The following COL12A1 variants were observed in gnomAD, a reference collection of about 807,000 sequenced individuals.
COL12A1 encodes collagen alpha-1(XII) chain.
In COL12A1, 114 loss-of-function variants were observed where a neutral mutation model predicts 349.7. That is an observed-to-expected ratio of 0.33 (90% confidence interval 0.28 to 0.38). The LOEUF (loss-of-function observed/expected upper bound fraction) is 0.38, where lower values mean the gene tolerates loss of function less well. COL12A1 is among the 10% of genes least tolerant of loss of function. The probability of loss-of-function intolerance (pLI) is 1.00; values close to 1 mark genes in which losing one functional copy is unlikely to be tolerated. For synonymous variants in COL12A1, 1,369 were observed against 1,329.0 expected, an observed-to-expected ratio of 1.03 and a Z score of -0.66; for missense variants, 3,284 against 3,756.9, an observed-to-expected ratio of 0.87 and a Z score of 3.29.
At chr6:75,134,078 G>A in intron 32 of COL12A1, 81 bp from the exon 33 acceptor site, 1 of 1,480,536 alleles carries the variant, frequency 6.8e-7, no homozygotes, top group Non-Finnish European at 9.2e-7. Flanking sequence ...ATATCTCCCA[G>A]GCACCCTAGA....
At chr6:75,124,487 TTA>T in intron 40 of COL12A1, 116 bp from the exon 41 acceptor site, 3 of 663,472 alleles carry the variant, frequency 4.5e-6, no homozygotes, top group Non-Finnish European at 7.4e-6. Context: ...CAAAATTGTA[TTA>T]TGTTTCCTTA....
intron 57 of COL12A1, 93 bp downstream of exon 57, chr6:75,101,906 T>G: frequency 1.4e-6 from 2 of 1,380,018 alleles, no homozygotes; most frequent in Non-Finnish European, 2.0e-6. Context: ...TCCAGGCTTC[T>G]GCTTTGCTAC....
chr6:75,137,399 A>G, intron 31 of COL12A1, 38 bp downstream of exon 31: 1 of 1,521,216 alleles, frequency 6.6e-7, no homozygotes, highest in Admixed American at 2.2e-5. Context: ...GAGAAATGGT[A>G]GAATTAATCC....
rs754091668 is a variant in COL12A1, at chr6:75,116,003, A to G, written c.7558+16T>C. 77 of 1,613,278 alleles carry G rather than the reference A, an allele frequency of 4.8e-5. No homozygotes were observed. In the Admixed American group the frequency reaches 1.3e-3, roughly 27 times the overall value. ...TAAATCTGGAAATTAATTTGCCCCA[A>G]AGTATAAATGCTTACCTGGTGAGGT... On this transcript the variant is annotated intron_variant, in intron 48 of 65. Transcript: ENST00000322507.
In COL12A1 at chr6:75,126,411, C is replaced by T; in HGVS notation, c.6400G>A (p.Val2134Met). The T allele has an allele frequency of 6.2e-7, 1 of 1,611,786 alleles. No homozygotes were observed. The highest frequency in any genetic ancestry group is 8.5e-7 in the Non-Finnish European group (1 of 1,178,208). The part of the protein sequence containing the change: ...ISDEWYTRFR[V>M]SWDPSPSPVL... ...GGAGAAGGTGAAGGATCCCAGGACA[C>T]CCTGAATCTTGTATACCATTCGTCA... Residue 2134 changes from valine to methionine, a missense_variant, in exon 39 of 66, where the codon GTG (valine) becomes ATG (methionine). Around this residue, in one of 2 missense-constraint regions of COL12A1, gnomAD observed 2,601 missense variants for 2,824.8 expected, o/e 0.92. Coordinates refer to ENST00000322507, the MANE Select transcript of COL12A1 (RefSeq NM_004370.6).
chr6:75,142,264 A>G, intron 26 of COL12A1, 103 bp from the exon 27 acceptor site: 1 of 1,371,656 alleles, frequency 7.3e-7, no homozygotes, highest in Non-Finnish European at 1.0e-6. Context: ...TAAAATTGTG[A>G]TCAGAAAAGA....
At chr6:75,189,952 T>G in intron 5 of COL12A1, 137 bp from the exon 6 acceptor site, 1 of 907,074 alleles carries the variant, frequency 1.1e-6, no homozygotes, top group Non-Finnish European at 1.6e-6. Flanking sequence ...TTCACCCACA[T>G]GCACAAAGAA....
At chr6:75,167,779 C>T (rs775388338) in intron 13 of COL12A1, among the ~76,000 whole-genome samples, 16 of 152,186 alleles carry the variant, frequency 1.1e-4, no homozygotes, top group Non-Finnish European at 1.8e-4. Context: ...TTTTAATCAA[C>T]TATTTTAACA....
chr6:75,150,738 A>G (rs1767437877), intron 21 of COL12A1, among the ~76,000 whole-genome samples: 1 of 152,128 alleles, frequency 6.6e-6, no homozygotes, highest in Non-Finnish European at 1.5e-5. Context: ...CCAGAAAAGA[A>G]AGCATCTCTC....
intron 50 of COL12A1, 25 bp from the exon 51 acceptor site, chr6:75,113,338 T>A: frequency 7.3e-7 from 1 of 1,365,430 alleles, no homozygotes; most frequent in Non-Finnish European, 1.0e-6. Flanking sequence ...AAAGTGTTAT[T>A]AAATCATATG....
chr6:75,107,344 C>G (rs1010378700), intron 52 of COL12A1, among the ~76,000 whole-genome samples: 5 of 152,076 alleles, frequency 3.3e-5, no homozygotes, highest in African/African-American at 1.2e-4. Flanking sequence ...GATCTTGGCT[C>G]ACTGCAACCT....
chr6:75,146,022 A>T (rs1767171779), intron 24 of COL12A1, 80 bp downstream of exon 24: 2 of 1,342,730 alleles, frequency 1.5e-6, no homozygotes, highest in Non-Finnish European at 9.9e-7. Context: ...ATGAGTTTGT[A>T]AGTAACTGCA....
At chr6:75,185,777 C>A (rs190745383) in intron 8 of COL12A1, among the ~76,000 whole-genome samples, 12 of 152,208 alleles carry the variant, frequency 7.9e-5, no homozygotes, top group Non-Finnish European at 1.8e-4. Context: ...ACACCTAGAC[C>A]AATGTTACAG....
At chr6:75,144,168 A>G (rs1223146284) in intron 25 of COL12A1, among the ~76,000 whole-genome samples, 1 of 152,072 alleles carries the variant, frequency 6.6e-6, no homozygotes, top group African/African-American at 2.4e-5. Context: ...GTTCCAGTCC[A>G]GCACCATACC....
In COL12A1 at chr6:75,181,202, G is replaced by C. The variant is rs1769264125; in HGVS notation, c.1901C>G (p.Pro634Arg). 1 of 1,575,250 alleles carries C rather than the reference G, an allele frequency of 6.3e-7. No homozygotes were observed. Among genetic ancestry groups the C allele is most frequent in the Admixed American group, 1.8e-5 (1 of 54,076 alleles). Residue 634 changes from proline (P) to arginine (R), a missense_variant, in exon 11 of 66, where the codon CCT becomes CGT. Physicochemically the swap from Pro to Arg is moderately radical, Grantham distance 103 (BLOSUM62 -2). Transcript: ENST00000322507. ...TTCTGAAAAACTAAGATCCTTTGGA[G>C]GGACGTAAGCTATTTAAAAAAAAAA... ...LAAIKKKAYV[P>R]PKDLSFSEVT...
Position 75,117,370 on chromosome 6 carries a change from A to G in COL12A1, c.7519+12T>C. The G allele has an allele frequency of 6.2e-7, 1 of 1,612,534 alleles. No homozygotes were observed. Among genetic ancestry groups the G allele is most frequent in the Non-Finnish European group, 8.5e-7 (1 of 1,178,940 alleles). Reference sequence around the variant, plus strand: ...TAAGTGAGGTTATAGATCCATGTTGACTGTGACTTACTTGAAGTGGCAGTT... The same window carrying G: ...TAAGTGAGGTTATAGATCCATGTTGGCTGTGACTTACTTGAAGTGGCAGTT... On this transcript the variant is annotated intron_variant, in intron 47 of 65. Coordinates refer to ENST00000322507, the MANE Select transcript of COL12A1 (RefSeq NM_004370.6).
intron 13 of COL12A1, 93 bp from the exon 14 acceptor site, chr6:75,165,872 C>T (rs1355434635): frequency 1.8e-5 from 22 of 1,252,704 alleles, no homozygotes; most frequent in Admixed American, 2.4e-5. Context: ...TTCTGACTTG[C>T]TGGACTCACA....
Position 75,113,294 on chromosome 6 carries a change from T to C in COL12A1, c.7860A>G (p.Ser2620=), listed in dbSNP as rs1206978464. ...CGCCTCTTGTATCCTTGTTAAAGAA[T>C]GATAACGTCTTGCTAGAAGCTGTAA... ...VIADPSSKTL[S]FFNKDTRGEV... is the part of the protein sequence containing the mutation. Residue 2620 remains serine, a synonymous_variant, in exon 51 of 66, where the codon TCA becomes TCG. Coordinates refer to ENST00000322507, the MANE Select transcript of COL12A1 (RefSeq NM_004370.6). The C allele has an allele frequency of 6.4e-7, 1 of 1,555,096 alleles. No individual in the cohort carries two copies. Among genetic ancestry groups the C allele is most frequent in the Non-Finnish European group, 8.7e-7 (1 of 1,154,416 alleles).
intron 51 of COL12A1, among the ~76,000 whole-genome samples, chr6:75,111,235 C>G (rs902699756): frequency 2.0e-5 from 3 of 150,932 alleles, no homozygotes; most frequent in African/African-American, 7.3e-5. Flanking sequence ...AAAGGAGAAA[C>G]TAAAAGAAAG....
Sources: allele counts gnomAD v4.1 joint callset (sites outside exome capture counted in the v4.1 genomes callset), GRCh38; gene constraint gnomAD v4.1.1; regional missense constraint gnomAD v4.1.1; transcripts MANE v1.5; gene names NCBI Gene and HGNC (gene_info 2026-07-23, HGNC 2026-07-21).